The following CASZ1 variants were observed in gnomAD, a reference collection of about 807,000 sequenced individuals.
CASZ1 encodes castor zinc finger 1, also known as zinc finger protein castor homolog 1.
In CASZ1, 28 loss-of-function variants were observed where a neutral mutation model predicts 135.2. The observed-to-expected ratio is 0.21, with a 90% CI of 0.15 to 0.28. The LOEUF is 0.28. CASZ1 is among the 10% of genes least tolerant of loss of function. CASZ1 has a pLI of 1.00. For synonymous variants in CASZ1, 1,068 were observed against 1,073.4 expected, an observed-to-expected ratio of 0.99 and a Z score of 0.10; for missense variants, 2,161 against 2,453.3, an observed-to-expected ratio of 0.88 and a Z score of 2.52.
At chr1:10,671,390 G>T (rs1643393561) in intron 4 of CASZ1, among the ~76,000 whole-genome samples, 1 of 152,206 alleles carries the variant, frequency 6.6e-6, no homozygotes, top group Non-Finnish European at 1.5e-5. Context: ...TGCACATGTG[G>T]AATCTCAGAG....
At chr1:10,745,862 C>T (rs1640030036) in intron 2 of CASZ1, among the ~76,000 whole-genome samples, 1 of 152,236 alleles carries the variant, frequency 6.6e-6, no homozygotes, top group Non-Finnish European at 1.5e-5. Flanking sequence ...GGGGAAGAGC[C>T]TTGGGCACAT....
At position 10,727,412 on chromosome 1, in the gene CASZ1, C is replaced by A. The variant is rs1249233097; in HGVS notation, c.-76-21868G>T. On this transcript the variant is annotated intron_variant, in intron 2 of 20. Transcript: ENST00000377022. This position sits in a 1 kb window ranked among gnomAD's most constrained non-coding sequence, Gnocchi z 5.3. Reference sequence around the variant, plus strand: ...TCCAGAAAAGAAAAAAAAAAACAACCCAGCCTCCCAGAAGCTCACAAACAC... The same window carrying A: ...TCCAGAAAAGAAAAAAAAAAACAACACAGCCTCCCAGAAGCTCACAAACAC... Among the ~76,000 whole-genome samples, 1 of 151,888 alleles carries A rather than the reference C, an allele frequency of 6.6e-6. No homozygotes were observed. The highest frequency in any genetic ancestry group is 1.5e-5 in the Non-Finnish European group (1 of 67,906).
In CASZ1 at chr1:10,725,129, G is replaced by C. The variant is rs188798800; in HGVS notation, c.-76-19585C>G. 1.3e-5 allele frequency among the ~76,000 whole-genome samples: 2 copies of C among 152,142 alleles called. 1 individual carries two copies. Among genetic ancestry groups the C allele is most frequent in the South Asian group, 4.1e-4 (2 of 4,822 alleles). On this transcript the variant is annotated intron_variant, in intron 2 of 20. Coordinates refer to ENST00000377022, the MANE Select transcript of CASZ1 (RefSeq NM_001079843.3). This position sits in a 1 kb window ranked among gnomAD's most constrained non-coding sequence, Gnocchi z 4.4. ...CTTGGGCTCCCCTCGGTGGGGGTAG[G>C]ATTCCCTAGTTGGCCAGGGAGCCCT...
In CASZ1 at chr1:10,676,376, C is replaced by T. The variant is rs575151021; in HGVS notation, c.17-10805G>A. Among the ~76,000 whole-genome samples the T allele has an allele frequency of 7.2e-5, 11 of 152,324 alleles. No individual in the cohort carries two copies. The highest frequency in any genetic ancestry group is 2.0e-4 in the Admixed American group (3 of 15,306). ...GTCCTTCCTCTCCAAGGAGAGCCAC[C>T]ACAGAAGCAAAGCTCTCACTCCATC... On this transcript the variant is annotated intron_variant, in intron 4 of 20. Coordinates refer to ENST00000377022, the MANE Select transcript of CASZ1 (RefSeq NM_001079843.3). The surrounding 1 kb of genome is among the most constrained non-coding windows in gnomAD (Gnocchi z 4.5).
Position 10,654,231 on chromosome 1 carries a change from T to G in CASZ1, c.1839-13A>C, listed in dbSNP as rs138401053. On this transcript the variant is annotated splice_polypyrimidine_tract_variant and intron_variant, in intron 10 of 20. Coordinates refer to ENST00000377022, the MANE Select transcript of CASZ1 (RefSeq NM_001079843.3). ...GCAGCCGGGGCGCCTGGATGGGACA[T>G]TGGGAGCCTGTCATGAGACCCAGAG... The G allele has an allele frequency of 1.4e-3, 2,332 of 1,612,902 alleles. 10 individuals are homozygous for G. Among genetic ancestry groups the G allele is most frequent in the Middle Eastern group, 3.6e-3 (22 of 6,054 alleles).
chr1:10,717,454 C>T lies in CASZ1; in HGVS notation c.-76-11910G>A, dbSNP rs1250392437. On this transcript the variant is annotated intron_variant, in intron 2 of 20. Coordinates refer to ENST00000377022, the MANE Select transcript of CASZ1 (RefSeq NM_001079843.3). This position sits in a 1 kb window ranked among gnomAD's most constrained non-coding sequence, Gnocchi z 4.6. ...TGGAGCTGAGTGGTGTGAGCCTCAC[C>T]CTGCTAAATAAAGCTTTGGTATTTC... is the stretch of plus-strand genomic sequence containing the variant. Among the ~76,000 whole-genome samples, 1 of 151,726 alleles carries T rather than the reference C, an allele frequency of 6.6e-6. No individual in the cohort carries two copies. Among genetic ancestry groups the T allele is most frequent in the Non-Finnish European group, 1.5e-5 (1 of 67,888 alleles).
chr1:10,650,774 G>A lies in CASZ1; in HGVS notation c.2817-19C>T. 1 of 1,609,152 alleles carries A rather than the reference G, an allele frequency of 6.2e-7. No homozygotes were observed. The highest frequency in any genetic ancestry group is 8.5e-7 in the Non-Finnish European group (1 of 1,179,044). ...TTCGTTGCTAGAACACACAAACCAA[G>A]GGACTTGAGCTCAGACGGCCGGGGC... On this transcript the variant is annotated intron_variant, in intron 12 of 20. Coordinates refer to ENST00000377022, the MANE Select transcript of CASZ1 (RefSeq NM_001079843.3).
In CASZ1 at chr1:10,676,562, C is replaced by T. The variant is rs1350439560; in HGVS notation, c.17-10991G>A. ...TGGGCTCCTCCATCTCTCTCTGTGC[C>T]TCTCCATCTCTCTCTGTGCCTCGGT... On this transcript the variant is annotated intron_variant, in intron 4 of 20. Coordinates refer to ENST00000377022, the MANE Select transcript of CASZ1 (RefSeq NM_001079843.3). The surrounding 1 kb of genome is among the most constrained non-coding windows in gnomAD (Gnocchi z 4.5). Among the ~76,000 whole-genome samples, 1 of 152,152 alleles carries T rather than the reference C, an allele frequency of 6.6e-6. No individual in the cohort carries two copies. Among genetic ancestry groups the T allele is most frequent in the East Asian group, 1.9e-4 (1 of 5,142 alleles).
rs34487572 is a variant in CASZ1 at position 10,783,871 on chromosome 1, CAAAAAAAAAAAA to C, written c.-234+12681_-234+12692del. Among the ~76,000 whole-genome samples, 27 of 78,952 alleles carry C rather than the reference CAAAAAAAAAAAA, an allele frequency of 3.4e-4. 1 individual carries two copies. In the East Asian group the frequency reaches 0.01, roughly 30 times the overall value. The allele number at this position is 78,952 out of a possible 152,430, so 51.8% of individuals were successfully genotyped here. On this transcript the variant is annotated intron_variant, in intron 1 of 20. Transcript: ENST00000377022. The stretch of plus-strand genomic sequence containing the variant: ...TGGGTGAAAAAGCAAGACTCCGTCT[CAAAAAAAAAAAA>C]AAAAAAAAAACCTACAATTATAATC...
rs78446598 is a variant in CASZ1, at chr1:10,677,112, G to A, written c.17-11541C>T. ...CCCGCCTCCAAGATGAGTGAGTCAC[G>A]GTGAGGGCAGAGTGGAGGGTCGAGA... On this transcript the variant is annotated intron_variant, in intron 4 of 20. Coordinates refer to ENST00000377022, the MANE Select transcript of CASZ1 (RefSeq NM_001079843.3). 3.3e-5 allele frequency among the ~76,000 whole-genome samples: 5 copies of A among 152,368 alleles called. No individual in the cohort carries two copies. In the East Asian group the frequency reaches 9.6e-4, roughly 29 times the overall value.
Position 10,709,513 on chromosome 1 carries a change from C to T in CASZ1, c.-76-3969G>A, listed in dbSNP as rs138687890. Among the ~76,000 whole-genome samples the T allele has an allele frequency of 2.7e-3, 412 of 152,278 alleles. 1 individual carries two copies. The highest frequency in any genetic ancestry group is 9.0e-3 in the African/African-American group (373 of 41,558). On this transcript the variant is annotated intron_variant, in intron 2 of 20. Transcript: ENST00000377022. The surrounding 1 kb of genome is among the most constrained non-coding windows in gnomAD (Gnocchi z 5.1). ...AGCCCGAGTGAGAGTCTCACTACCC[C>T]GGGACCAGGCGTGACAAAACCTATT...
At position 10,638,967 on chromosome 1, in the gene CASZ1, G is replaced by C. The variant is rs1482414623; in HGVS notation, c.5255C>G (p.Ala1752Gly). Residue 1752 changes from alanine (A) to glycine (G), a missense_variant, in exon 21 of 21, where the codon GCG (alanine) becomes GGG (glycine). Coordinates refer to ENST00000377022, the MANE Select transcript of CASZ1 (RefSeq NM_001079843.3). This position sits in a 1 kb window ranked among gnomAD's most constrained non-coding sequence, Gnocchi z 5.9. ...CTAGGGCGAGGAGGCTGCAGTGGGC[G>C]CGGGGCCGGGGGCGCCCAGGGCCGC... ...ALAALGAPGP[A>G]PTAASSP The C allele has an allele frequency of 1.7e-5, 17 of 981,254 alleles. No homozygotes were observed. Among genetic ancestry groups the C allele is most frequent in the East Asian group, 1.1e-4 (1 of 8,706 alleles). The allele number at this position is 981,254 out of a possible 1,614,324, so 60.8% of individuals were successfully genotyped here. A position where few individuals can be genotyped will look rare whatever the true frequency, so the allele number is the denominator to read the frequency against.
chr1:10,714,576 G>C (rs978635238), intron 2 of CASZ1, among the ~76,000 whole-genome samples: 1 of 152,228 alleles, frequency 6.6e-6, no homozygotes. Context: ...GGCTGGCCGT[G>C]CTTTCACAGG....
rs1386953215 is a variant in CASZ1 at position 10,719,062 on chromosome 1, G to A, written c.-76-13518C>T. ...CGAGTAACTGGGATTACAGGCACTC[G>A]CCACCACACCTGGCTAATTTTTTTT... is the stretch of plus-strand genomic sequence containing the variant. On this transcript the variant is annotated intron_variant, in intron 2 of 20. Coordinates refer to ENST00000377022, the MANE Select transcript of CASZ1 (RefSeq NM_001079843.3). The surrounding 1 kb of genome is among the most constrained non-coding windows in gnomAD (Gnocchi z 4.0). Among the ~76,000 whole-genome samples the A allele has an allele frequency of 1.3e-5, 2 of 152,000 alleles. No individual in the cohort carries two copies. The highest frequency in any genetic ancestry group is 2.9e-5 in the Non-Finnish European group (2 of 67,984).
intron 3 of CASZ1, among the ~76,000 whole-genome samples, chr1:10,703,864 G>T (rs1639113373): frequency 6.6e-6 from 1 of 152,212 alleles, no homozygotes; most frequent in Non-Finnish European, 1.5e-5. Context: ...GAATAAATAG[G>T]CATGGCTGTG....
At chr1:10,785,766 G>A (rs1640847785) in intron 1 of CASZ1, among the ~76,000 whole-genome samples, 1 of 152,254 alleles carries the variant, frequency 6.6e-6, no homozygotes, top group Admixed American at 6.5e-5. Flanking sequence ...AGACCCAAAT[G>A]AGGCTCAGCC....
chr1:10,752,618 T>C (rs750126987), intron 2 of CASZ1, among the ~76,000 whole-genome samples: 2 of 152,046 alleles, frequency 1.3e-5, no homozygotes, highest in Non-Finnish European at 2.9e-5. Flanking sequence ...CCCCAGGGAG[T>C]GCTGGCTCTT....
At chr1:10,765,065 G>T (rs1039349813) in intron 1 of CASZ1, among the ~76,000 whole-genome samples, 1 of 152,156 alleles carries the variant, frequency 6.6e-6, no homozygotes. Flanking sequence ...CGTGGGGCAG[G>T]GATTTCTGCT....
chr1:10,785,074 CCTCCT>C (rs1640832370), intron 1 of CASZ1, among the ~76,000 whole-genome samples: 2 of 61,226 alleles, frequency 3.3e-5, no homozygotes, highest in East Asian at 4.7e-4. Context: ...TCTCTCTCTC[CCTCCT>C]TCCTTCCTTC....
Sources: gnomAD v4.1 joint callset for allele counts (sites outside exome capture counted in the v4.1 genomes callset) on GRCh38, gnomAD v4.1.1 for gene constraint, Gnocchi (gnomAD v3.1) non-coding constraint, MANE v1.5 for transcripts, NCBI Gene and HGNC (gene_info 2026-07-23, HGNC 2026-07-21) for gene names.